Variants in TRDN observed in about 807,000 individuals in gnomAD.
TRDN encodes the protein triadin in skeletal muscle.
Under a neutral mutation model 149.7 loss-of-function variants are expected in TRDN, and 161 were observed. The ratio of observed to expected loss-of-function variants is 1.08; its 90% confidence interval spans 0.95 to 1.23. TRDN has a LOEUF of 1.23. Ranked by LOEUF, TRDN falls within the 50% of genes most tolerant of loss-of-function variation. The pLI, the probability that TRDN is intolerant of heterozygous loss-of-function variation, is 0.00. For missense variants in TRDN, 896 were observed against 823.5 expected, an observed-to-expected ratio of 1.09 and a Z score of -1.08; for synonymous variants, 294 against 250.5, an observed-to-expected ratio of 1.17 and a Z score of -1.64.
At chr6:123,235,445 G>T in intron 38 of TRDN, among the ~76,000 whole-genome samples, 1 of 152,052 alleles carries the variant, frequency 6.6e-6, no homozygotes, top group East Asian at 1.9e-4. Context: ...GCAAGACAGG[G>T]TCAGTAAAGA....
At chr6:123,606,449 G>A (rs1004627261) in intron 1 of TRDN, among the ~76,000 whole-genome samples, 77 of 151,978 alleles carry the variant, frequency 5.1e-4, no homozygotes, top group African/African-American at 1.8e-3. Flanking sequence ...ATGGACATAT[G>A]AATATGTCCA....
chr6:123,554,232 C>T (rs185313185), intron 2 of TRDN, among the ~76,000 whole-genome samples: 2 of 152,092 alleles, frequency 1.3e-5, no homozygotes, highest in Admixed American at 6.6e-5. Flanking sequence ...AACAATTAAA[C>T]TTGGTATATG....
At chr6:123,399,669 A>G (rs1732501144) in intron 12 of TRDN, among the ~76,000 whole-genome samples, 1 of 152,174 alleles carries the variant, frequency 6.6e-6, no homozygotes, top group Non-Finnish European at 1.5e-5. Flanking sequence ...CCAGCTGGTC[A>G]CTCAAGGTTC....
At chr6:123,477,773 A>G (rs1226042832) in intron 9 of TRDN, among the ~76,000 whole-genome samples, 3 of 152,054 alleles carry the variant, frequency 2.0e-5, no homozygotes, top group Admixed American at 1.3e-4. Flanking sequence ...CATGGATGAA[A>G]TTGGAAATCA....
At chr6:123,363,067 G>T (rs1366307785) in intron 20 of TRDN, among the ~76,000 whole-genome samples, 1 of 152,096 alleles carries the variant, frequency 6.6e-6, no homozygotes, top group East Asian at 1.9e-4. Flanking sequence ...ACCTTAAAAT[G>T]TTAAATTATT....
At chr6:123,411,827 A>G (rs1773452549) in intron 12 of TRDN, 1 of 152,324 alleles carries the variant, frequency 6.6e-6, no homozygotes. Context: ...GCATACAGAG[A>G]ATTAAGAAGC....
Position 123,316,840 on chromosome 6 carries a change from G to C in TRDN, c.1472-345C>G, listed in dbSNP as rs527485565. On this transcript the variant is annotated intron_variant, in intron 23 of 40. Transcript: ENST00000334268. ...TTAAAAAATTAATAAAAATTGCTCA[G>C]AAGAAAAACGTCATAAATTTTCCTA... is the stretch of plus-strand genomic sequence containing the variant. 2.0e-5 allele frequency among the ~76,000 whole-genome samples: 3 copies of C among 151,808 alleles called. No individual in the cohort carries two copies. In the South Asian group the frequency reaches 6.2e-4, roughly 31 times the overall value.
chr6:123,293,409 T>G (rs1035196334), intron 24 of TRDN, among the ~76,000 whole-genome samples: 7 of 152,214 alleles, frequency 4.6e-5, no homozygotes, highest in Non-Finnish European at 1.0e-4. Flanking sequence ...CAGCAGAAGT[T>G]TCCCTGTGAT....
At chr6:123,404,689 C>T (rs1166894349) in intron 12 of TRDN, among the ~76,000 whole-genome samples, 3 of 152,120 alleles carry the variant, frequency 2.0e-5, no homozygotes, top group Non-Finnish European at 2.9e-5. Flanking sequence ...AGGTGATCCA[C>T]TCGCCTCAGC....
At chr6:123,464,773 G>A in intron 10 of TRDN, 133 bp downstream of exon 10, 1 of 1,462,596 alleles carries the variant, frequency 6.8e-7, no homozygotes. Flanking sequence ...GAAAAGTATA[G>A]TTTAGACATA....
chr6:123,467,156 C>G (rs1041429877), intron 9 of TRDN, among the ~76,000 whole-genome samples: 3 of 151,922 alleles, frequency 2.0e-5, no homozygotes, highest in Non-Finnish European at 4.4e-5. Flanking sequence ...GACCTCTAGA[C>G]AGATCATTAC....
Position 123,224,169 on chromosome 6 carries a change from A to G in TRDN, c.1976-38T>C, listed in dbSNP as rs372159482. 25 of 1,595,200 alleles carry G rather than the reference A, an allele frequency of 1.6e-5. No individual in the cohort carries two copies. In the Middle Eastern group the frequency reaches 6.7e-4, roughly 43 times the overall value. On this transcript the variant is annotated intron_variant, in intron 38 of 40. Coordinates refer to ENST00000334268, the MANE Select transcript of TRDN (RefSeq NM_006073.4). ...AAAAAGGCACATAGAATCACAGTCA[A>G]TTTTTCAGTTTTCCCAGAGGAAGTA...
chr6:123,580,059 A>G (rs1005929485), intron 1 of TRDN, among the ~76,000 whole-genome samples: 5 of 152,308 alleles, frequency 3.3e-5, no homozygotes, highest in Middle Eastern at 3.4e-3. Context: ...AGGAACTAAT[A>G]CACAATTTTA....
chr6:123,531,931 G>GT (rs1449185419), intron 4 of TRDN, among the ~76,000 whole-genome samples: 1 of 152,022 alleles, frequency 6.6e-6, no homozygotes, highest in Non-Finnish European at 1.5e-5. Flanking sequence ...TTAGATGCCA[G>GT]TAGCCCCCAT....
chr6:123,452,122 A>G (rs1431365195), intron 10 of TRDN, among the ~76,000 whole-genome samples: 2 of 152,062 alleles, frequency 1.3e-5, no homozygotes, highest in Admixed American at 1.3e-4. Flanking sequence ...CTTTCCATGA[A>G]AAACCCACAG....
chr6:123,364,249 G>A (rs1017345629), intron 20 of TRDN, among the ~76,000 whole-genome samples: 2 of 152,206 alleles, frequency 1.3e-5, no homozygotes, highest in East Asian at 3.9e-4. Flanking sequence ...AGAGCGCAGA[G>A]TCTATGGATC....
intron 12 of TRDN, among the ~76,000 whole-genome samples, chr6:123,395,174 A>G (rs1214167657): frequency 6.6e-6 from 1 of 152,176 alleles, no homozygotes; most frequent in African/African-American, 2.4e-5. Context: ...TTGTAGAAAT[A>G]TTTGCAAAAA....
intron 6 of TRDN, among the ~76,000 whole-genome samples, chr6:123,515,762 C>T (rs1779381809): frequency 6.6e-6 from 1 of 151,934 alleles, no homozygotes; most frequent in South Asian, 2.1e-4. Context: ...AAATAAATAA[C>T]AATTAGAAAT....
intron 12 of TRDN, among the ~76,000 whole-genome samples, chr6:123,429,888 C>G (rs1265718344): frequency 3.3e-5 from 5 of 152,092 alleles, no homozygotes; most frequent in African/African-American, 1.2e-4. Flanking sequence ...TCAATGCGTA[C>G]AGAGAAGAAA....
Sources: gnomAD v4.1 joint callset for allele counts (sites outside exome capture counted in the v4.1 genomes callset) on GRCh38, gnomAD v4.1.1 for gene constraint, MANE v1.5 for transcripts, NCBI Gene and HGNC (gene_info 2026-07-23, HGNC 2026-07-21) for gene names.